SIM1: variants seen among roughly 807,000 people sequenced by gnomAD.
The protein encoded by SIM1 is single-minded homolog 1.
SIM1 carries 18 observed loss-of-function variants against 78.2 expected under a neutral mutation model. The observed-to-expected ratio is 0.23, with a 90% CI of 0.16 to 0.34. The LOEUF is 0.34. Ranked by LOEUF, SIM1 falls within the 10% of genes least tolerant of loss-of-function variation. SIM1 has a pLI of 1.00. For synonymous variants in SIM1, 417 were observed against 385.2 expected (o/e 1.08, Z -0.97); for missense variants, 939 against 975.1 (o/e 0.96, Z 0.49).
intron 9 of SIM1, among the ~76,000 whole-genome samples, chr6:100,438,224 C>T (rs779847936): frequency 3.3e-5 from 5 of 152,062 alleles, no homozygotes; most frequent in Non-Finnish European, 7.4e-5. Context: ...TGACAAAGAA[C>T]GAGTATTCAA....
chr6:100,440,604 G>T (rs1772186851), intron 9 of SIM1, among the ~76,000 whole-genome samples: 1 of 152,296 alleles, frequency 6.6e-6, no homozygotes, highest in Non-Finnish European at 1.5e-5. Flanking sequence ...ACTCCCTCAG[G>T]CAAGCCAGAA....
At chr6:100,454,373 G>A (rs1772591547) in intron 2 of SIM1, among the ~76,000 whole-genome samples, 1 of 152,138 alleles carries the variant, frequency 6.6e-6, no homozygotes, top group African/African-American at 2.4e-5. Flanking sequence ...CTTGGCTTCT[G>A]GCTTTAATCG....
intron 9 of SIM1, among the ~76,000 whole-genome samples, chr6:100,429,713 G>A (rs1771852401): frequency 6.6e-6 from 1 of 151,980 alleles, no homozygotes; most frequent in South Asian, 2.1e-4. Flanking sequence ...TAGTATGTGT[G>A]ACTTTTATAA....
chr6:100,412,799 AGGAC>A (rs1006822066), intron 10 of SIM1, among the ~76,000 whole-genome samples: 15 of 152,108 alleles, frequency 9.9e-5, no homozygotes, highest in Non-Finnish European at 7.4e-5. Context: ...GAAGGAAGGA[AGGAC>A]GGACGGACGG....
At chr6:100,446,759 A>G (rs1295643774) in intron 9 of SIM1, among the ~76,000 whole-genome samples, 1 of 152,184 alleles carries the variant, frequency 6.6e-6, no homozygotes, top group African/African-American at 2.4e-5. Flanking sequence ...TCTACGAGTT[A>G]AAGTCAGATC....
At position 100,389,613 on chromosome 6, in the gene SIM1, A is replaced by G. The variant is rs1372914021; in HGVS notation, c.*748T>C. 2.5e-6 allele frequency: 1 copy of G among 398,858 alleles called. No homozygotes were observed. The highest frequency in any genetic ancestry group is 4.4e-6 in the Non-Finnish European group (1 of 225,980). 24.7% of individuals were successfully genotyped at this position (398,858 alleles called of 1,614,324 possible). A position where few individuals can be genotyped will look rare whatever the true frequency, so the allele number is the denominator to read the frequency against. ...TCCAATTGAGCACTCCAGGTTTTTG[A>G]TGTGTGTCCCAATATCTCAGTGTTC... On this transcript the variant is annotated 3_prime_UTR_variant, in exon 12 of 12. Transcript: ENST00000369208.
chr6:100,463,150 A>T, intron 2 of SIM1, 144 bp downstream of exon 2: 1 of 669,036 alleles, frequency 1.5e-6, no homozygotes, highest in Non-Finnish European at 2.5e-6. Flanking sequence ...TGAGGACCTT[A>T]GTGAAGCAGC....
chr6:100,408,601 G>T (rs1010653003), intron 10 of SIM1, among the ~76,000 whole-genome samples: 2 of 152,002 alleles, frequency 1.3e-5, no homozygotes, highest in Middle Eastern at 6.8e-3. Flanking sequence ...ATACTAATTT[G>T]TTGAGAGTTT....
intron 9 of SIM1, among the ~76,000 whole-genome samples, chr6:100,424,233 T>C (rs1433434444): frequency 6.6e-6 from 1 of 152,076 alleles, no homozygotes; most frequent in African/African-American, 2.4e-5. Context: ...CTAAAAAATA[T>C]AAGAAGAGTT....
At chr6:100,431,601 G>C (rs987313499) in intron 9 of SIM1, among the ~76,000 whole-genome samples, 17 of 152,260 alleles carry the variant, frequency 1.1e-4, no homozygotes, top group African/African-American at 3.6e-4. Context: ...TAGAGATTTT[G>C]GATTGCCCAC....
intron 3 of SIM1, among the ~76,000 whole-genome samples, chr6:100,451,839 T>A (rs1328269925): frequency 2.6e-5 from 4 of 152,220 alleles, no homozygotes; most frequent in Non-Finnish European, 5.9e-5. Context: ...CTCCTTGTTT[T>A]GGAGATGCTA....
At chr6:100,448,062 G>C (rs772016743) in intron 8 of SIM1, 84 bp downstream of exon 8, 3 of 1,132,240 alleles carry the variant, frequency 2.6e-6, no homozygotes, top group Admixed American at 2.1e-5. Context: ...GTCCTCTTGC[G>C]AGGGATTTAA....
At chr6:100,461,221 T>A (rs1772833466) in intron 2 of SIM1, among the ~76,000 whole-genome samples, 1 of 152,234 alleles carries the variant, frequency 6.6e-6, no homozygotes, top group African/African-American at 2.4e-5. Context: ...TGTAAGAGTT[T>A]ATTTTGTTCC....
chr6:100,441,700 A>C (rs1268970217), intron 9 of SIM1, among the ~76,000 whole-genome samples: 4 of 152,198 alleles, frequency 2.6e-5, no homozygotes, highest in African/African-American at 9.6e-5. Context: ...CCTTAGTGAA[A>C]CTTATGGGGA....
chr6:100,405,447 T>C (rs949666434), intron 10 of SIM1, among the ~76,000 whole-genome samples: 1 of 152,236 alleles, frequency 6.6e-6, no homozygotes, highest in South Asian at 2.1e-4. Flanking sequence ...TAAAGAATAA[T>C]ACAAATTATC....
chr6:100,426,076 T>C (rs1204347895), intron 9 of SIM1, among the ~76,000 whole-genome samples: 2 of 152,240 alleles, frequency 1.3e-5, no homozygotes, highest in East Asian at 3.8e-4. Flanking sequence ...CTGTGGCACA[T>C]GCCATTTGAC....
intron 4 of SIM1, among the ~76,000 whole-genome samples, chr6:100,450,039 G>A (rs141803247): frequency 1.3e-5 from 2 of 152,260 alleles, no homozygotes; most frequent in Non-Finnish European, 2.9e-5. Context: ...CTGGCTTGAC[G>A]TAGGGACTCA....
intron 8 of SIM1, 21 bp downstream of exon 8, chr6:100,448,125 C>T: frequency 1.3e-6 from 2 of 1,590,602 alleles, no homozygotes; most frequent in East Asian, 2.2e-5. Flanking sequence ...TGCTAGGGTA[C>T]GGGGCAGGGT....
rs180810632 is a variant in SIM1 at position 100,464,867 on chromosome 6, A to T, written c.-721T>A. ...TCCGTAGTTGCTACGAAGCCAGTTC[A>T]CTATTATTCCTAATTGGAAGCCGAA... On this transcript the variant is annotated 5_prime_UTR_variant, in exon 1 of 12. Coordinates refer to ENST00000369208, the MANE Select transcript of SIM1 (RefSeq NM_005068.3). The T allele has an allele frequency of 6.6e-6, 1 of 152,230 alleles. No homozygotes were observed. The highest frequency in any genetic ancestry group is 6.5e-5 in the Admixed American group (1 of 15,284). 9.4% of individuals were successfully genotyped at this position (152,230 alleles called of 1,614,324 possible).
Sources: gnomAD v4.1 joint callset for allele counts (sites outside exome capture counted in the v4.1 genomes callset) on GRCh38, gnomAD v4.1.1 for gene constraint, MANE v1.5 for transcripts, NCBI Gene and HGNC (gene_info 2026-07-23, HGNC 2026-07-21) for gene names.